The following NEBL variants were observed in gnomAD, a reference collection of about 807,000 sequenced individuals.
NEBL encodes LIM and SH3 protein 2.
Under a neutral mutation model 140.2 loss-of-function variants are expected in NEBL, and 122 were observed. The ratio of observed to expected loss-of-function variants is 0.87; its 90% CI spans 0.75 to 1.01. The LOEUF (loss-of-function observed/expected upper bound fraction) is 1.01, where lower values mean the gene tolerates loss of function less well. NEBL is among the 50% of genes least tolerant of loss of function. NEBL has a pLI of 0.00. For synonymous variants in NEBL, 436 were observed against 398.9 expected, an observed-to-expected ratio of 1.09 and a Z score of -1.11; for missense variants, 1,365 against 1,231.3, an observed-to-expected ratio of 1.11 and a Z score of -1.62.
Position 20,831,455 on chromosome 10 carries a change from A to T in NEBL, c.1560+18T>A, listed in dbSNP as rs1210297527. 2 of 1,576,056 alleles carry T rather than the reference A, an allele frequency of 1.3e-6. No homozygotes were observed. Reference sequence around the variant, plus strand: ...TCACGGCATTTATTTTAAACTTTGTATCTTGCTGCTGTCTTACCTGGCTGG... The same window carrying T: ...TCACGGCATTTATTTTAAACTTTGTTTCTTGCTGCTGTCTTACCTGGCTGG... On this transcript the variant is annotated intron_variant, in intron 15 of 27. Transcript: ENST00000377122.
intron 9 of NEBL, among the ~76,000 whole-genome samples, chr10:20,854,655 C>T (rs45452396): frequency 0.013 from 1,877 of 148,598 alleles, 21 homozygotes; most frequent in Non-Finnish European, 0.019. Context: ...GCCTTGACCT[C>T]CTGGGCTCAA....
At chr10:21,159,143 T>G (rs1840451093) in intron 2 of NEBL, among the ~76,000 whole-genome samples, 1 of 152,192 alleles carries the variant, frequency 6.6e-6, no homozygotes, top group Non-Finnish European at 1.5e-5. Flanking sequence ...TCCCCCTTTC[T>G]CTCTCTGAAA....
chr10:20,805,777 T>C (rs147013750), intron 26 of NEBL, among the ~76,000 whole-genome samples: 3,038 of 151,694 alleles, frequency 0.02, 99 homozygotes, highest in African/African-American at 0.068. Flanking sequence ...CGTTTGAACC[T>C]GGGAGGCAGA....
intron 3 of NEBL, among the ~76,000 whole-genome samples, chr10:21,185,911 A>G (rs1382586810): frequency 6.6e-6 from 1 of 152,126 alleles, no homozygotes; most frequent in Non-Finnish European, 1.5e-5. Flanking sequence ...TGCCTTTAGT[A>G]GACTATTTTG....
At chr10:21,091,181 A>G (rs1836894434) in intron 2 of NEBL, among the ~76,000 whole-genome samples, 1 of 152,160 alleles carries the variant, frequency 6.6e-6, no homozygotes, top group Admixed American at 6.5e-5. Context: ...CAGTCAAGAA[A>G]ACAAGTTCGT....
intron 1 of NEBL, among the ~76,000 whole-genome samples, chr10:21,279,057 G>A (rs1157604886): frequency 4.6e-5 from 7 of 152,140 alleles, no homozygotes; most frequent in Admixed American, 1.3e-4. Context: ...GCCTTACAGA[G>A]GCGGGCAGAA....
At chr10:20,804,113 C>T (rs532255082) in intron 26 of NEBL, among the ~76,000 whole-genome samples, 1 of 152,050 alleles carries the variant, frequency 6.6e-6, no homozygotes, top group Admixed American at 6.6e-5. Context: ...ACAGCCAGTA[C>T]CTCTGATCTT....
At chr10:21,268,400 C>A (rs1293793492) in intron 1 of NEBL, among the ~76,000 whole-genome samples, 2 of 152,182 alleles carry the variant, frequency 1.3e-5, no homozygotes, top group African/African-American at 4.8e-5. Context: ...GGAGGATCGC[C>A]TGAGCCCAAG....
intron 3 of NEBL, among the ~76,000 whole-genome samples, chr10:21,236,045 G>A (rs898501035): frequency 5.3e-5 from 8 of 152,170 alleles, no homozygotes; most frequent in South Asian, 4.1e-4. Flanking sequence ...CATAACCCCC[G>A]TAGTCTTTAT....
At chr10:21,229,538 T>C (rs1467209068) in intron 3 of NEBL, among the ~76,000 whole-genome samples, 1 of 152,254 alleles carries the variant, frequency 6.6e-6, no homozygotes, top group Admixed American at 6.5e-5. Context: ...GAAGAGCATG[T>C]TATGTCTTAC....
intron 4 of NEBL, among the ~76,000 whole-genome samples, chr10:20,918,156 A>G (rs182297344): frequency 5.3e-5 from 8 of 152,102 alleles, no homozygotes; most frequent in Non-Finnish European, 1.0e-4. Flanking sequence ...GTCAGGAGTT[A>G]AAGACCAGCC....
intron 4 of NEBL, among the ~76,000 whole-genome samples, chr10:20,884,191 C>T (rs895773537): frequency 6.6e-6 from 1 of 152,102 alleles, no homozygotes; most frequent in South Asian, 2.1e-4. Context: ...CATATGTATA[C>T]AGATAAAATG....
chr10:21,237,553 A>G, intron 3 of NEBL, among the ~76,000 whole-genome samples: 1 of 151,942 alleles, frequency 6.6e-6, no homozygotes, highest in East Asian at 1.9e-4. Flanking sequence ...CATCTAATTG[A>G]CATCTGGTCT....
At chr10:21,028,117 C>T (rs1421175215) in intron 2 of NEBL, among the ~76,000 whole-genome samples, 3 of 151,206 alleles carry the variant, frequency 2.0e-5, no homozygotes, top group Middle Eastern at 3.4e-3. Flanking sequence ...ATCCTAGCTA[C>T]TCAGGAGGTT....
At chr10:20,788,352 G>A (rs1394167669) in intron 26 of NEBL, among the ~76,000 whole-genome samples, 2 of 152,054 alleles carry the variant, frequency 1.3e-5, no homozygotes, top group Non-Finnish European at 2.9e-5. Context: ...AGTATATAAA[G>A]TAATTATAAT....
intron 18 of NEBL, among the ~76,000 whole-genome samples, chr10:20,823,509 T>C (rs965063773): frequency 1.2e-4 from 18 of 152,148 alleles, no homozygotes; most frequent in African/African-American, 3.6e-4. Context: ...TATTCACTTA[T>C]TCATCACTAT....
chr10:20,832,375 C>T (rs1840497720), intron 14 of NEBL, among the ~76,000 whole-genome samples: 1 of 152,042 alleles, frequency 6.6e-6, no homozygotes, highest in South Asian at 2.1e-4. Flanking sequence ...TCAAGCCGTG[C>T]CTAGGAATTT....
At chr10:21,227,693 TTCTTCTTCTTCTTCTTCTTTCTTCTTC>T (rs1366095868) in intron 3 of NEBL, among the ~76,000 whole-genome samples, 48 of 91,018 alleles carry the variant, frequency 5.3e-4, no homozygotes, top group African/African-American at 2.7e-3. Context: ...CTTCTTCTTC[TTCTTCTTCTTCTTCTTCTTTCTTCTTC>T]TTCTTCTTCT....
At chr10:21,160,544 A>C (rs1460743724) in intron 2 of NEBL, among the ~76,000 whole-genome samples, 1 of 152,056 alleles carries the variant, frequency 6.6e-6, no homozygotes, top group Admixed American at 6.6e-5. Flanking sequence ...AGAAATTTTT[A>C]AATAGAATTC....
Sources: allele counts gnomAD v4.1 joint callset (sites outside exome capture counted in the v4.1 genomes callset), GRCh38; gene constraint gnomAD v4.1.1; transcripts MANE v1.5; gene names NCBI Gene and HGNC (gene_info 2026-07-23, HGNC 2026-07-21).